Variants in DMGDH observed in about 807,000 individuals in gnomAD.
DMGDH encodes the protein dimethylglycine dehydrogenase.
Under a neutral mutation model 95.2 loss-of-function variants are expected in DMGDH, and 76 were observed. That is an observed-to-expected ratio of 0.80 (90% CI 0.66 to 0.97). DMGDH has a LOEUF of 0.97. Ranked by LOEUF, DMGDH falls within the 50% of genes least tolerant of loss-of-function variation. The pLI is 0.00. For missense variants in DMGDH, 987 were observed against 1,055.0 expected (o/e 0.94, Z 0.89); for synonymous variants, 345 against 377.6 (o/e 0.91, Z 1.00).
intron 12 of DMGDH, among the ~76,000 whole-genome samples, chr5:79,027,262 C>G (rs1754028639): frequency 6.6e-6 from 1 of 152,138 alleles, no homozygotes; most frequent in African/African-American, 2.4e-5. Context: ...GACAATCAAT[C>G]AGTCCTCCCA....
At chr5:79,005,550 C>G (rs1469504791) in intron 14 of DMGDH, 143 bp from the exon 15 acceptor site, 26 of 1,187,808 alleles carry the variant, frequency 2.2e-5, no homozygotes, top group Non-Finnish European at 3.0e-5. Context: ...TATGTCTAGA[C>G]AAATATTTCT....
At chr5:79,026,644 T>C (rs142925796) in intron 12 of DMGDH, 63 bp from the exon 13 acceptor site, 6 of 1,608,078 alleles carry the variant, frequency 3.7e-6, no homozygotes, top group African/African-American at 2.7e-5. Context: ...CTAATGTGCA[T>C]TAGCTAGAAC....
chr5:79,021,389 G>A, intron 14 of DMGDH: 2 of 1,171,266 alleles, frequency 1.7e-6, no homozygotes, highest in Non-Finnish European at 2.1e-6. Flanking sequence ...TCTAATCAGC[G>A]GTACTTAATA....
chr5:79,014,407 T>A (rs1753693181), intron 14 of DMGDH, among the ~76,000 whole-genome samples: 1 of 152,224 alleles, frequency 6.6e-6, no homozygotes, highest in Non-Finnish European at 1.5e-5. Flanking sequence ...GGCCAACAAC[T>A]ATAATATAGA....
chr5:79,024,918 T>TGG (rs1194717482), intron 13 of DMGDH, among the ~76,000 whole-genome samples: 1 of 152,262 alleles, frequency 6.6e-6, no homozygotes, highest in Non-Finnish European at 1.5e-5. Flanking sequence ...TTCGTTTTGT[T>TGG]GTTTTCTTCG....
At chr5:79,024,112 C>T (rs1753932450) in intron 14 of DMGDH, among the ~76,000 whole-genome samples, 159 bp downstream of exon 14, 1 of 152,178 alleles carries the variant, frequency 6.6e-6, no homozygotes, top group Non-Finnish European at 1.5e-5. Context: ...CAAATGTTGA[C>T]AAAAGAGTAA....
In DMGDH at chr5:79,054,309, T is replaced by C. The variant is rs758019963; in HGVS notation, c.415A>G (p.Thr139Ala). 1 of 1,613,980 alleles carries C rather than the reference T, an allele frequency of 6.2e-7. No individual in the cohort carries two copies. The highest frequency in any genetic ancestry group is 1.3e-5 in the African/African-American group (1 of 74,914). Residue 139 changes from threonine (T) to alanine (A), a missense_variant, in exon 4 of 16, where the codon ACC (threonine) becomes GCC (alanine). Transcript: ENST00000255189. ...AATTCATCTACCCTTACAGGGGTGG[T>C]AGCAAGTCTGATACTACCTGGCTGA... ...FHQPGSIRLA[T>A]TPVRVDEFKY...
At chr5:79,057,330 C>T (rs1755061450) in intron 2 of DMGDH, among the ~76,000 whole-genome samples, 1 of 152,170 alleles carries the variant, frequency 6.6e-6, no homozygotes, top group Non-Finnish European at 1.5e-5. Context: ...CTGGAAAGCT[C>T]ATCAGAACAC....
intron 14 of DMGDH, among the ~76,000 whole-genome samples, chr5:79,019,722 TA>T (rs1753816758): frequency 6.6e-6 from 1 of 152,056 alleles, no homozygotes; most frequent in African/African-American, 2.4e-5. Flanking sequence ...TCGTCTCTAC[TA>T]AAAATACAAA....
At position 79,033,211 on chromosome 5, in the gene DMGDH, T is replaced by G. The variant is rs773793510; in HGVS notation, c.1363+28A>C. 1.2e-5 allele frequency: 20 copies of G among 1,613,582 alleles called. No individual in the cohort carries two copies. In the Admixed American group the frequency reaches 3.2e-4, roughly 26 times the overall value. ...CTACAATTCAATTCCGTCAACACTT[T>G]GTAGACAACAGTACATTTGTACCTT... is the stretch of plus-strand genomic sequence containing the variant. On this transcript the variant is annotated intron_variant, in intron 8 of 15. Coordinates refer to ENST00000255189, the MANE Select transcript of DMGDH (RefSeq NM_013391.3).
At chr5:79,055,394 TA>T (rs1754997835) in intron 3 of DMGDH, among the ~76,000 whole-genome samples, 1 of 152,110 alleles carries the variant, frequency 6.6e-6, no homozygotes, top group South Asian at 2.1e-4. Flanking sequence ...AGAGTTTGAG[TA>T]AATATGAGAA....
Position 79,054,155 on chromosome 5 carries a change from A to G in DMGDH, c.540+29T>C, listed in dbSNP as rs576177471. The G allele has an allele frequency of 5.0e-6, 8 of 1,611,210 alleles. No individual in the cohort carries two copies. The South Asian group carries it at 8.8e-5, about 18-fold the overall frequency. ...TTTCTAATTTTTACTTAAGTCAACA[A>G]ATGGTAAAAATGCCCTTAAGATAAA... On this transcript the variant is annotated intron_variant, in intron 4 of 15. Coordinates refer to ENST00000255189, the MANE Select transcript of DMGDH (RefSeq NM_013391.3).
chr5:79,068,900 C>T (rs1358372840), intron 1 of DMGDH, among the ~76,000 whole-genome samples: 1 of 152,164 alleles, frequency 6.6e-6, no homozygotes, highest in Non-Finnish European at 1.5e-5. Flanking sequence ...AAACTCTTGC[C>T]ACCCACTTGG....
chr5:79,039,097 T>C (rs1467177073), intron 7 of DMGDH, among the ~76,000 whole-genome samples: 1 of 148,704 alleles, frequency 6.7e-6, no homozygotes, highest in African/African-American at 2.5e-5. Flanking sequence ...GGAACACTTT[T>C]ACACTGTTGG....
Position 79,050,273 on chromosome 5 carries a change from A to AAT in DMGDH, c.745+1012_745+1013dup, listed in dbSNP as rs761250761. Among the ~76,000 whole-genome samples the AAT allele has an allele frequency of 9.0e-3, 188 of 20,908 alleles. 1 individual carries two copies. Among genetic ancestry groups the AAT allele is most frequent in the South Asian group, 0.016 (8 of 506 alleles). 13.7% of individuals were successfully genotyped at this position (20,908 alleles called of 152,430 possible). ...CAAAAAAAAAAAAAAAAAAAAAAAA[A>AAT]ATATATATATATATATATATATATA... On this transcript the variant is annotated intron_variant, in intron 5 of 15. Coordinates refer to ENST00000255189, the MANE Select transcript of DMGDH (RefSeq NM_013391.3).
chr5:79,014,540 A>G (rs1443746080), intron 14 of DMGDH, among the ~76,000 whole-genome samples: 5 of 152,222 alleles, frequency 3.3e-5, no homozygotes, highest in Admixed American at 3.3e-4. Flanking sequence ...TTTTAAAAGC[A>G]TGAAGAAATG....
At chr5:79,006,623 C>T (rs1753550213) in intron 14 of DMGDH, among the ~76,000 whole-genome samples, 1 of 152,194 alleles carries the variant, frequency 6.6e-6, no homozygotes. Flanking sequence ...ACAGTTCCCA[C>T]AGACAGACTA....
At chr5:79,012,757 A>G (rs1175386581) in intron 14 of DMGDH, among the ~76,000 whole-genome samples, 1 of 152,242 alleles carries the variant, frequency 6.6e-6, no homozygotes, top group African/African-American at 2.4e-5. Context: ...CAGCAGCCCA[A>G]GCTTTACTAG....
intron 5 of DMGDH, among the ~76,000 whole-genome samples, chr5:79,049,297 AATTC>A (rs1434631543): frequency 6.6e-6 from 1 of 152,190 alleles, no homozygotes; most frequent in Non-Finnish European, 1.5e-5. Flanking sequence ...TTACAATGAC[AATTC>A]ATTATGTACA....
Sources: gnomAD v4.1 joint callset for allele counts (sites outside exome capture counted in the v4.1 genomes callset) on GRCh38, gnomAD v4.1.1 for gene constraint, MANE v1.5 for transcripts, NCBI Gene and HGNC (gene_info 2026-07-23, HGNC 2026-07-21) for gene names.